Variants in SAMMSON observed in about 807,000 individuals in gnomAD.
SAMMSON encodes the protein long intergenic non-protein coding RNA 1212.
chr3:70,332,493 A>G lies in SAMMSON; in HGVS notation n.740-21682A>G, dbSNP rs536119749. Among the ~76,000 whole-genome samples the G allele has an allele frequency of 3.3e-5, 5 of 152,274 alleles. No homozygotes were observed. The East Asian group carries it at 9.7e-4, about 29-fold the overall frequency. On this transcript the variant is annotated intron_variant and non_coding_transcript_variant, in intron 7 of 9. Coordinates refer to ENST00000642114, the Ensembl canonical transcript of SAMMSON. ...ATCTCAGAACCAGTGCCTCAAACTG[A>G]GCTCACCTCTTGGAAGAAGTTACTT...
chr3:70,037,231 C>T (rs1406852523), intron 3 of SAMMSON, among the ~76,000 whole-genome samples: 1 of 151,888 alleles, frequency 6.6e-6, no homozygotes, highest in African/African-American at 2.4e-5. Flanking sequence ...TTACCCAATT[C>T]TATCTGGACT....
At chr3:70,044,925 T>C (rs1427337769) in intron 3 of SAMMSON, among the ~76,000 whole-genome samples, 1 of 143,564 alleles carries the variant, frequency 7.0e-6, no homozygotes, top group African/African-American at 2.5e-5. Context: ...AATACTTTAA[T>C]TAAAGTATTA....
chr3:70,139,346 G>A (rs1007560500), intron 4 of SAMMSON, among the ~76,000 whole-genome samples: 30 of 152,086 alleles, frequency 2.0e-4, no homozygotes, highest in African/African-American at 6.8e-4. Flanking sequence ...CAAACCTTAA[G>A]TCTTGAGAAT....
chr3:70,351,946 A>G (rs1702797738), intron 7 of SAMMSON, among the ~76,000 whole-genome samples: 1 of 152,182 alleles, frequency 6.6e-6, no homozygotes. Context: ...TTTCATCTGA[A>G]CAACAGAAAA....
chr3:70,047,622 T>C (rs1250622721), intron 3 of SAMMSON, among the ~76,000 whole-genome samples: 3 of 152,038 alleles, frequency 2.0e-5, no homozygotes, highest in Non-Finnish European at 4.4e-5. Context: ...GCATGAGCCA[T>C]ATAATTTCTC....
intron 4 of SAMMSON, among the ~76,000 whole-genome samples, chr3:70,145,225 A>G (rs1410332703): frequency 1.3e-5 from 2 of 152,170 alleles, no homozygotes; most frequent in Non-Finnish European, 1.5e-5. Context: ...ACTGACAGAA[A>G]TGAAAGGAAA....
chr3:70,086,174 G>T (rs536872571), intron 4 of SAMMSON, among the ~76,000 whole-genome samples: 1 of 152,168 alleles, frequency 6.6e-6, no homozygotes, highest in African/African-American at 2.4e-5. Flanking sequence ...CTTTGGTGCT[G>T]ACAAAAATCT....
chr3:70,418,413 G>T (rs987041688), intron 2 of SAMMSON, among the ~76,000 whole-genome samples: 3 of 152,114 alleles, frequency 2.0e-5, no homozygotes, highest in Admixed American at 6.6e-5. Flanking sequence ...CTCGGAATGG[G>T]GTGGATGTCA....
chr3:70,296,775 C>T (rs754171280), intron 7 of SAMMSON, among the ~76,000 whole-genome samples: 10 of 152,084 alleles, frequency 6.6e-5, no homozygotes, highest in Non-Finnish European at 1.5e-4. Context: ...CGACTATCAG[C>T]TTTCTTCCAA....
intron 7 of SAMMSON, among the ~76,000 whole-genome samples, chr3:70,331,273 C>G (rs1702619536): frequency 6.6e-6 from 1 of 152,098 alleles, no homozygotes; most frequent in Admixed American, 6.5e-5. Context: ...ACCTACCTGG[C>G]CCAGTCAAAA....
intron 2 of SAMMSON, among the ~76,000 whole-genome samples, chr3:70,396,771 T>C (rs1272436130): frequency 6.6e-6 from 1 of 152,170 alleles, no homozygotes; most frequent in Non-Finnish European, 1.5e-5. Context: ...TCCAAAACGC[T>C]GATTTATTTT....
At chr3:70,141,603 C>T (rs1352589083) in intron 4 of SAMMSON, among the ~76,000 whole-genome samples, 1 of 152,236 alleles carries the variant, frequency 6.6e-6, no homozygotes, top group Non-Finnish European at 1.5e-5. Context: ...GACACACAAA[C>T]TTAACCATCA....
chr3:70,309,097 C>T (rs1364805246), intron 7 of SAMMSON, among the ~76,000 whole-genome samples: 3 of 151,844 alleles, frequency 2.0e-5, no homozygotes, highest in East Asian at 1.9e-4. Flanking sequence ...GGTTGGAGGT[C>T]GACACATTTA....
intron 4 of SAMMSON, among the ~76,000 whole-genome samples, chr3:70,238,271 T>G (rs993445559): frequency 6.6e-6 from 1 of 151,906 alleles, no homozygotes; most frequent in Non-Finnish European, 1.5e-5. Context: ...TAAACACTAT[T>G]TGGGCTTTGG....
chr3:70,341,114 A>G (rs1341213655), intron 7 of SAMMSON, among the ~76,000 whole-genome samples: 4 of 152,124 alleles, frequency 2.6e-5, no homozygotes, highest in Non-Finnish European at 5.9e-5. Flanking sequence ...TATTTTCACC[A>G]TCATCACCAT....
chr3:70,070,419 G>A (rs114209228), intron 3 of SAMMSON: 1 of 151,688 alleles, frequency 6.6e-6, no homozygotes, highest in African/African-American at 2.4e-5. Flanking sequence ...TTTTAAGCTG[G>A]CATAAAGAAA....
chr3:70,298,851 T>G (rs908701470), intron 7 of SAMMSON, among the ~76,000 whole-genome samples: 2 of 152,180 alleles, frequency 1.3e-5, no homozygotes, highest in African/African-American at 4.8e-5. Context: ...CTGGTCCTGT[T>G]GTTTACTACC....
chr3:70,149,952 C>T (rs1341236399), intron 4 of SAMMSON, among the ~76,000 whole-genome samples: 1 of 152,086 alleles, frequency 6.6e-6, no homozygotes, highest in Non-Finnish European at 1.5e-5. Flanking sequence ...AGAAGGCATA[C>T]TCTCTAAATT....
chr3:70,293,088 C>T (rs1014063026), intron 7 of SAMMSON, among the ~76,000 whole-genome samples: 11 of 131,836 alleles, frequency 8.3e-5, no homozygotes, highest in South Asian at 5.0e-4. Context: ...TATTACATGA[C>T]GAGAAGAAAG....
Sources: gnomAD v4.1 joint callset for allele counts (sites outside exome capture counted in the v4.1 genomes callset) on GRCh38, gnomAD v4.1.1 for gene constraint, MANE v1.5 for transcripts, NCBI Gene and HGNC (gene_info 2026-07-23, HGNC 2026-07-21) for gene names.